Variants in PLEKHM1 observed in about 807,000 individuals in gnomAD.
PLEKHM1 encodes the protein pleckstrin homology and RUN domain containing M1, also known as pleckstrin homology domain-containing family M member 1.
A neutral mutation model predicts 94.3 loss-of-function variants in PLEKHM1; 28 were observed. The ratio of observed to expected loss-of-function variants is 0.30; its 90% CI spans 0.22 to 0.41. PLEKHM1 has a LOEUF of 0.41. PLEKHM1 is among the 10% of genes least tolerant of loss of function. The pLI is 1.00. For missense variants in PLEKHM1, 907 were observed against 1,358.6 expected, an observed-to-expected ratio of 0.67 and a Z score of 5.22; for synonymous variants, 424 against 581.2, an observed-to-expected ratio of 0.73 and a Z score of 3.89.
Position 45,436,225 on chromosome 17 carries a change from G to A in PLEKHM1, c.*1633C>T. 2.2e-6 allele frequency: 1 copy of A among 454,356 alleles called. No individual in the cohort carries two copies. Among genetic ancestry groups the A allele is most frequent in the Non-Finnish European group, 4.4e-6 (1 of 226,878 alleles). 28.1% of individuals were successfully genotyped at this position (454,356 alleles called of 1,614,324 possible). A position where few individuals can be genotyped will look rare whatever the true frequency, so the allele number is the denominator to read the frequency against. ...CCAGGCTCCTGCCCACTCAGGGATG[G>A]GGCAATGAGGGCTCTGACTAGGCTG... On this transcript the variant is annotated 3_prime_UTR_variant, in exon 12 of 12. Transcript: ENST00000430334.
chr17:45,447,950 C>A (rs1314833342), intron 8 of PLEKHM1: 1 of 151,790 alleles, frequency 6.6e-6, no homozygotes, highest in Non-Finnish European at 1.5e-5. Flanking sequence ...ACATGCGCCA[C>A]CACGCCCAGC....
At chr17:45,471,123 A>T (rs779743274) in intron 4 of PLEKHM1, among the ~76,000 whole-genome samples, 15 of 152,172 alleles carry the variant, frequency 9.9e-5, no homozygotes, top group Non-Finnish European at 1.9e-4. Flanking sequence ...TAAATGTTTA[A>T]ATGGGCAAAC....
At chr17:45,474,105 G>A (rs1448016226) in intron 4 of PLEKHM1, among the ~76,000 whole-genome samples, 2 of 150,414 alleles carry the variant, frequency 1.3e-5, no homozygotes, top group East Asian at 2.0e-4. Context: ...CACCCAGGCT[G>A]GAGTGCAGTG....
chr17:45,489,618 G>A (rs968815563), intron 1 of PLEKHM1, among the ~76,000 whole-genome samples: 7 of 151,932 alleles, frequency 4.6e-5, no homozygotes, highest in East Asian at 1.9e-4. Context: ...GAAAAACCCC[G>A]GCCCCACCCA....
chr17:45,469,895 A>G (rs2051439256), intron 4 of PLEKHM1, among the ~76,000 whole-genome samples: 1 of 152,074 alleles, frequency 6.6e-6, no homozygotes, highest in Non-Finnish European at 1.5e-5. Flanking sequence ...CAAGATGGTA[A>G]AACCCCGTCT....
chr17:45,460,679 C>T (rs1368514521), intron 5 of PLEKHM1, among the ~76,000 whole-genome samples: 1 of 152,122 alleles, frequency 6.6e-6, no homozygotes, highest in Non-Finnish European at 1.5e-5. Flanking sequence ...GCTTTAGCCC[C>T]ACTGAATAGC....
intron 5 of PLEKHM1, among the ~76,000 whole-genome samples, chr17:45,465,881 A>C (rs534295003): frequency 1.5e-4 from 23 of 152,028 alleles, no homozygotes; most frequent in African/African-American, 5.1e-4. Flanking sequence ...CAGAAGCTAG[A>C]CCATGGGCAG....
Position 45,436,338 on chromosome 17 carries a change from T to C in PLEKHM1, c.*1520A>G, listed in dbSNP as rs750398660. On this transcript the variant is annotated 3_prime_UTR_variant, in exon 12 of 12. Coordinates refer to ENST00000430334, the MANE Select transcript of PLEKHM1 (RefSeq NM_014798.3). The stretch of plus-strand genomic sequence containing the variant: ...GCATTGGCGTCTGGGCACAGGTGTG[T>C]GCCATGACCGGGAGAAGCTGTGCGC... 21 of 454,036 alleles carry C rather than the reference T, an allele frequency of 4.6e-5. No homozygotes were observed. The highest frequency in any genetic ancestry group is 1.3e-5 in the Non-Finnish European group (3 of 226,792). The allele number at this position is 454,036 out of a possible 1,614,324, so 28.1% of individuals were successfully genotyped here. A position where few individuals can be genotyped will look rare whatever the true frequency, so the allele number is the denominator to read the frequency against.
At position 45,458,431 on chromosome 17, in the gene PLEKHM1, C is replaced by T; in HGVS notation, c.1317G>A (p.Lys439=). 1 of 1,613,152 alleles carries T rather than the reference C, an allele frequency of 6.2e-7. No homozygotes were observed. Among genetic ancestry groups the T allele is most frequent in the Non-Finnish European group, 8.5e-7 (1 of 1,179,154 alleles). The change falls in exon 6 of 12, where the codon AAG becomes AAA. Residue 439 remains lysine, a synonymous_variant. Transcript: ENST00000430334. ...VVSSPTSPKN[K]SWISEDDFYR... ...AGAAGTCATCCTCTGAGATCCAGCT[C>T]TTGTTTTTCTGTTGGGAAAGAAGAC...
At chr17:45,490,607 C>T (rs758142502) in intron 1 of PLEKHM1, 45 bp downstream of exon 1, 3 of 428,756 alleles carry the variant, frequency 7.0e-6, no homozygotes, top group South Asian at 4.8e-5. Flanking sequence ...CCTCGGCCCT[C>T]CCACCACTCC....
intron 9 of PLEKHM1, 131 bp from the exon 10 acceptor site, chr17:45,440,357 A>T: frequency 1.1e-6 from 1 of 893,942 alleles, no homozygotes; most frequent in South Asian, 1.4e-5. Context: ...AGGGGCTAGG[A>T]GTGTAATTCG....
In PLEKHM1 at chr17:45,444,096, C is replaced by T. The variant is rs183204616; in HGVS notation, c.2837+1374G>A. Among the ~76,000 whole-genome samples, 776 of 152,260 alleles carry T rather than the reference C, an allele frequency of 5.1e-3. 9 individuals carry two copies. The highest frequency in any genetic ancestry group is 0.018 in the African/African-American group (741 of 41,560). On this transcript the variant is annotated intron_variant, in intron 9 of 11. Transcript: ENST00000430334. This position sits in a 1 kb window ranked among gnomAD's most constrained non-coding sequence, Gnocchi z 5.0. ...GGCACACCCTGGCCCTGAGGAGGCC[C>T]GGCTCTGGGAGCACTGCAGCCAGGA... is the stretch of plus-strand genomic sequence containing the variant.
At position 45,436,194 on chromosome 17, in the gene PLEKHM1, C is replaced by T. The variant is rs1048108277; in HGVS notation, c.*1664G>A. 3 of 454,292 alleles carry T rather than the reference C, an allele frequency of 6.6e-6. No homozygotes were observed. The highest frequency in any genetic ancestry group is 1.6e-5 in the South Asian group (1 of 64,498). The allele number at this position is 454,292 out of a possible 1,614,324, so 28.1% of individuals were successfully genotyped here. On this transcript the variant is annotated 3_prime_UTR_variant, in exon 12 of 12. Transcript: ENST00000430334. ...AGAATCCTCACAGGCCCAAGCCCTC[C>T]CCAGGCCAGGCTCCTGCCCACTCAG...
chr17:45,465,878 T>C (rs940831221), intron 5 of PLEKHM1, among the ~76,000 whole-genome samples: 3 of 151,958 alleles, frequency 2.0e-5, no homozygotes, highest in African/African-American at 7.3e-5. Context: ...AAGCAGAAGC[T>C]AGACCATGGG....
chr17:45,453,840 T>C lies in PLEKHM1; in HGVS notation c.2012A>G (p.Gln671Arg). ...LSEPAALQGT[Q>R]FDWSSAQVPE... ...AACCTGGGCGGACGACCAGTCAAAC[T>C]GTGTGCCCTGGAGGGCCGCGGGCTC... Residue 671 changes from glutamine to arginine, a missense_variant, in exon 7 of 12, where the codon CAG (glutamine) becomes CGG (arginine). By Grantham distance (43) the Gln-to-Arg change is conservative. Transcript: ENST00000430334. The surrounding 1 kb of genome is among the most constrained non-coding windows in gnomAD (Gnocchi z 4.1). The C allele has an allele frequency of 6.2e-7, 1 of 1,613,952 alleles. No individual in the cohort carries two copies. The highest frequency in any genetic ancestry group is 8.5e-7 in the Non-Finnish European group (1 of 1,179,854).
intron 5 of PLEKHM1, among the ~76,000 whole-genome samples, chr17:45,461,999 A>T (rs550416633): frequency 6.6e-6 from 1 of 152,276 alleles, no homozygotes; most frequent in African/African-American, 2.4e-5. Flanking sequence ...AAGCAGTGGG[A>T]CCAGCCCCAC....
intron 11 of PLEKHM1, 89 bp downstream of exon 11, chr17:45,439,388 G>A: frequency 2.8e-6 from 4 of 1,442,168 alleles, no homozygotes; most frequent in Non-Finnish European, 3.9e-6. Context: ...TGCCCACAGA[G>A]CGAAGCCTGC....
intron 1 of PLEKHM1, among the ~76,000 whole-genome samples, chr17:45,488,941 AAAAG>A (rs945173433): frequency 1.5e-4 from 23 of 152,320 alleles, no homozygotes; most frequent in Admixed American, 9.1e-4. Flanking sequence ...TCCGTCGAAA[AAAAG>A]AAAGAAAGAA....
At chr17:45,470,446 T>C (rs1439526891) in intron 4 of PLEKHM1, among the ~76,000 whole-genome samples, 2 of 152,292 alleles carry the variant, frequency 1.3e-5, no homozygotes, top group Admixed American at 1.3e-4. Flanking sequence ...CTGGCCAACA[T>C]AGTGAAACCC....
Sources: gnomAD v4.1 joint callset for allele counts (sites outside exome capture counted in the v4.1 genomes callset) on GRCh38, gnomAD v4.1.1 for gene constraint, Gnocchi (gnomAD v3.1) non-coding constraint, MANE v1.5 for transcripts, NCBI Gene and HGNC (gene_info 2026-07-23, HGNC 2026-07-21) for gene names.